Variants in CTTNBP2 observed in about 807,000 individuals in gnomAD.
CTTNBP2 encodes cortactin-binding protein 2.
CTTNBP2 carries 108 observed loss-of-function variants against 156.9 expected under a neutral mutation model. The observed-to-expected ratio is 0.69, with a 90% CI of 0.59 to 0.81. CTTNBP2 has a LOEUF of 0.81. Among genes scored for constraint, CTTNBP2 ranks in the 30% least tolerant of loss-of-function variants. CTTNBP2 has a pLI of 0.00. For missense variants in CTTNBP2, 1,924 were observed against 2,035.4 expected, an observed-to-expected ratio of 0.95 and a Z score of 1.05; for synonymous variants, 767 against 751.8, an observed-to-expected ratio of 1.02 and a Z score of -0.33.
intron 7 of CTTNBP2, among the ~76,000 whole-genome samples, chr7:117,778,565 T>G (rs1798234917): frequency 6.6e-6 from 1 of 152,180 alleles, no homozygotes; most frequent in Admixed American, 6.5e-5. Flanking sequence ...CTGTAAACTC[T>G]TAAGCCTCAT....
intron 8 of CTTNBP2, among the ~76,000 whole-genome samples, chr7:117,769,199 T>A (rs1223053182): frequency 6.6e-6 from 1 of 152,202 alleles, no homozygotes; most frequent in Admixed American, 6.5e-5. Context: ...TGAAACATAC[T>A]TTTAAATGCA....
At chr7:117,866,250 G>A (rs1341663152) in intron 1 of CTTNBP2, among the ~76,000 whole-genome samples, 1 of 152,066 alleles carries the variant, frequency 6.6e-6, no homozygotes, top group Non-Finnish European at 1.5e-5. Flanking sequence ...GGTTTATGTG[G>A]GGAATTCAAT....
intron 3 of CTTNBP2, among the ~76,000 whole-genome samples, chr7:117,801,862 T>C (rs1368022971): frequency 6.6e-6 from 1 of 152,200 alleles, no homozygotes; most frequent in African/African-American, 2.4e-5. Context: ...AAGGTTCAAA[T>C]TATATAAAAA....
intron 10 of CTTNBP2, chr7:117,758,213 A>C: frequency 2.1e-6 from 1 of 480,892 alleles, no homozygotes; most frequent in Non-Finnish European, 3.7e-6. Context: ...GGAGGGATTC[A>C]GGGAGAGATC....
chr7:117,819,365 T>TCA (rs1308101221), intron 2 of CTTNBP2, among the ~76,000 whole-genome samples: 2,955 of 136,574 alleles, frequency 0.022, 33 homozygotes, highest in Middle Eastern at 0.028. Context: ...CTTCTCTCTC[T>TCA]CTCACACACA....
intron 16 of CTTNBP2, among the ~76,000 whole-genome samples, chr7:117,730,858 T>C (rs933720669): frequency 4.0e-4 from 56 of 140,524 alleles, no homozygotes; most frequent in Non-Finnish European, 6.7e-4. Context: ...TCTTCATTAA[T>C]ATTCAGAATT....
chr7:117,821,420 TG>T (rs1354934516), intron 2 of CTTNBP2, among the ~76,000 whole-genome samples: 1 of 152,086 alleles, frequency 6.6e-6, no homozygotes, highest in Non-Finnish European at 1.5e-5. Flanking sequence ...TTACTATTCC[TG>T]GTTTGCTGTT....
At chr7:117,868,330 T>C (rs1804349102) in intron 1 of CTTNBP2, among the ~76,000 whole-genome samples, 1 of 152,238 alleles carries the variant, frequency 6.6e-6, no homozygotes, top group Admixed American at 6.5e-5. Flanking sequence ...GGAACCATCT[T>C]GTCTTTTCAA....
Position 117,734,932 on chromosome 7 carries a change from C to A in CTTNBP2, c.3857G>T (p.Arg1286Leu), listed in dbSNP as rs543041784. ...TGTTACCTTATTCACAACTTTCCTT[C>A]GTAAGAACCTCTGCAGCAGTCCTTG... ...PMQGLLQRFL[R>L]RKVVNKFKGQ... The change falls in exon 16 of 23, where the codon CGA becomes CTA. Residue 1286 changes from arginine (R) to leucine (L), a missense_variant. Transcript: ENST00000160373. The A allele has an allele frequency of 6.3e-7, 1 of 1,594,900 alleles. No individual in the cohort carries two copies.
At chr7:117,871,839 C>T (rs1361631205) in intron 1 of CTTNBP2, 1 of 603,100 alleles carries the variant, frequency 1.7e-6, no homozygotes, top group Non-Finnish European at 2.0e-6. Context: ...TTTCGTCCTT[C>T]CCCTTCACAC....
chr7:117,871,299 T>A (rs1042862841), intron 1 of CTTNBP2, among the ~76,000 whole-genome samples: 2 of 152,246 alleles, frequency 1.3e-5, no homozygotes, highest in Non-Finnish European at 2.9e-5. Context: ...CCATGCCTTA[T>A]TAAGTCAAAA....
At chr7:117,844,901 T>C (rs1246735397) in intron 2 of CTTNBP2, among the ~76,000 whole-genome samples, 1 of 152,084 alleles carries the variant, frequency 6.6e-6, no homozygotes, top group Non-Finnish European at 1.5e-5. Context: ...GAGAGTGAAG[T>C]AAAGCAAGAA....
rs547423580 is a variant in CTTNBP2, at chr7:117,791,187, G to A, written c.2009C>T (p.Pro670Leu). 6.2e-7 allele frequency: 1 copy of A among 1,614,172 alleles called. No homozygotes were observed. The highest frequency in any genetic ancestry group is 2.2e-5 in the East Asian group (1 of 44,880). The change falls in exon 4 of 23, where the codon CCC becomes CTC. Residue 670 changes from proline (P) to leucine (L), a missense_variant. Physicochemically the swap from Pro to Leu is moderately conservative, Grantham distance 98 (BLOSUM62 -3). Transcript: ENST00000160373. The part of the protein sequence containing the change: ...TTIAFCSSIN[P>L]VSASSCRPGA... ...TGGTCTACAGGATGAGGCACTAACG[G>A]GGTTTATGGAAGAGCAAAAGGCAAT...
chr7:117,744,837 C>T (rs776923469), intron 14 of CTTNBP2, among the ~76,000 whole-genome samples: 25 of 152,220 alleles, frequency 1.6e-4, no homozygotes, highest in Non-Finnish European at 3.2e-4. Flanking sequence ...ATCGAGGCTG[C>T]AGTGAGCTGA....
chr7:117,748,628 T>C (rs547095334), intron 12 of CTTNBP2, among the ~76,000 whole-genome samples: 1 of 152,360 alleles, frequency 6.6e-6, no homozygotes, highest in South Asian at 2.1e-4. Flanking sequence ...ATTGTTCTTA[T>C]AGTTCCTTAC....
rs557772001 is a variant in CTTNBP2 at position 117,717,053 on chromosome 7, A to C, written c.4746+965T>G. Among the ~76,000 whole-genome samples the C allele has an allele frequency of 1.3e-4, 20 of 152,132 alleles. No homozygotes were observed. In the East Asian group the frequency reaches 3.9e-3, roughly 29 times the overall value. On this transcript the variant is annotated intron_variant, in intron 22 of 22. Coordinates refer to ENST00000160373, the MANE Select transcript of CTTNBP2 (RefSeq NM_033427.3). ...TTTGGTGAACAAACCATATATTACAAAGTGCTTCTGTGAAGTCTGCATCCT... is the reference window on the plus strand; with the variant it reads ...TTTGGTGAACAAACCATATATTACACAGTGCTTCTGTGAAGTCTGCATCCT...
At chr7:117,873,254 A>G (rs979296757) in intron 1 of CTTNBP2, 81 bp downstream of exon 1, 3 of 1,096,618 alleles carry the variant, frequency 2.7e-6, no homozygotes, top group Admixed American at 4.3e-5. Flanking sequence ...GGGGGTGCGA[A>G]GTCGGGTCCG....
At chr7:117,770,784 C>T (rs1229627310) in intron 8 of CTTNBP2, among the ~76,000 whole-genome samples, 2 of 152,136 alleles carry the variant, frequency 1.3e-5, no homozygotes, top group African/African-American at 2.4e-5. Context: ...CACACTCTCT[C>T]CTTGTTGAAT....
intron 2 of CTTNBP2, among the ~76,000 whole-genome samples, chr7:117,852,241 C>A (rs1340296573): frequency 1.3e-5 from 2 of 149,720 alleles, no homozygotes; most frequent in Non-Finnish European, 3.0e-5. Flanking sequence ...GAAACCAAAC[C>A]AAATTTCTAT....
Sources: gnomAD v4.1 joint callset for allele counts (sites outside exome capture counted in the v4.1 genomes callset) on GRCh38, gnomAD v4.1.1 for gene constraint, MANE v1.5 for transcripts, NCBI Gene and HGNC (gene_info 2026-07-23, HGNC 2026-07-21) for gene names.